MAP4: variants seen among roughly 807,000 people sequenced by gnomAD.
MAP4 encodes microtubule-associated protein 4.
A neutral mutation model predicts 170.2 loss-of-function variants in MAP4; 76 were observed. That is an observed-to-expected ratio of 0.45 (90% CI 0.37 to 0.54). The LOEUF is 0.54. Ranked by LOEUF, MAP4 falls within the 20% of genes least tolerant of loss-of-function variation. The pLI is 0.00. For synonymous variants in MAP4, 909 were observed against 994.5 expected (o/e 0.91, Z 1.62); for missense variants, 2,506 against 2,748.0 (o/e 0.91, Z 1.97).
At chr3:48,045,212 C>T (rs988142661) in intron 1 of MAP4, among the ~76,000 whole-genome samples, 3 of 145,694 alleles carry the variant, frequency 2.1e-5, no homozygotes, top group Admixed American at 7.0e-5. Flanking sequence ...GAGCCGAGAT[C>T]GCACCACTGT....
At chr3:48,063,941 A>C (rs950430394) in intron 1 of MAP4, among the ~76,000 whole-genome samples, 4 of 152,174 alleles carry the variant, frequency 2.6e-5, no homozygotes, top group Non-Finnish European at 5.9e-5. Context: ...CAAAAATTAT[A>C]ACTGAGACAA....
chr3:47,958,273 T>C (rs2100069071), intron 3 of MAP4, among the ~76,000 whole-genome samples: 1 of 152,164 alleles, frequency 6.6e-6, no homozygotes, highest in African/African-American at 2.4e-5. Context: ...ACTGGACTAA[T>C]GAGGGAATAA....
intron 3 of MAP4, among the ~76,000 whole-genome samples, chr3:47,950,155 G>A (rs976046869): frequency 1.3e-5 from 2 of 152,172 alleles, no homozygotes; most frequent in African/African-American, 4.8e-5. Context: ...CAGGCACAGA[G>A]GGAGTAGCTG....
chr3:48,085,983 C>T (rs550528160), intron 1 of MAP4, among the ~76,000 whole-genome samples: 5 of 152,078 alleles, frequency 3.3e-5, no homozygotes, highest in African/African-American at 1.2e-4. Context: ...ACCCAGGAGG[C>T]GAAGGTTGCA....
intron 6 of MAP4, 119 bp downstream of exon 6, chr3:47,918,600 T>C (rs891045080): frequency 1.4e-5 from 10 of 731,612 alleles, no homozygotes; most frequent in South Asian, 3.7e-5. Flanking sequence ...AGCAAAACAT[T>C]TGTGATTGTT....
At chr3:48,056,556 C>A (rs1466174388) in intron 1 of MAP4, among the ~76,000 whole-genome samples, 2 of 97,746 alleles carry the variant, frequency 2.0e-5, no homozygotes. Context: ...TGCCCGGCCG[C>A]CCCTACTGGG....
intron 3 of MAP4, chr3:47,973,732 G>C: frequency 1.0e-6 from 1 of 985,388 alleles, no homozygotes. Context: ...GCAATAGAAA[G>C]ATGTCAAACA....
chr3:47,884,676 A>G (rs975866852), intron 10 of MAP4, among the ~76,000 whole-genome samples: 2 of 152,172 alleles, frequency 1.3e-5, no homozygotes, highest in African/African-American at 4.8e-5. Flanking sequence ...CTGGAAACAT[A>G]GAATAGAGAG....
rs1466813692 is a variant in MAP4 at position 47,855,271 on chromosome 3, G to A, written c.6673C>T (p.Leu2225=). 8.1e-6 allele frequency: 13 copies of A among 1,613,968 alleles called. No homozygotes were observed. Among genetic ancestry groups the A allele is most frequent in the East Asian group, 2.2e-5 (1 of 44,868 alleles). The stretch of plus-strand genomic sequence containing the variant: ...ACCTTCACAGCACCTCCTGCAGGTA[G>A]GTGGCCCACATTATCGAGGGATCCC... The part of the protein sequence containing the change: ...KVGSLDNVGH[L]PAGGAVKTEG... Residue 2225 remains leucine, a synonymous_variant, in exon 19 of 21, where the codon CTA becomes TTA. Transcript: ENST00000683076. This position sits in a 1 kb window ranked among gnomAD's most constrained non-coding sequence, Gnocchi z 5.1.
At chr3:47,999,831 C>T (rs1052441565) in intron 1 of MAP4, among the ~76,000 whole-genome samples, 37 of 95,296 alleles carry the variant, frequency 3.9e-4, no homozygotes, top group African/African-American at 1.6e-3. Context: ...TACCCTTGAA[C>T]CTAAAATAAA....
At chr3:47,919,243 G>T (rs2100041417) in intron 5 of MAP4, among the ~76,000 whole-genome samples, 1 of 147,980 alleles carries the variant, frequency 6.8e-6, no homozygotes, top group Non-Finnish European at 1.5e-5. Flanking sequence ...AGAGGTATTT[G>T]ATATTTAAAA....
chr3:47,910,070 C>A lies in MAP4; in HGVS notation c.4351G>T (p.Val1451Leu). Residue 1451 changes from valine (V) to leucine (L), a missense_variant, in exon 9 of 21, where the codon GTA (valine) becomes TTA (leucine). Transcript: ENST00000683076. ...TCTGGAAAGGAATCACCTTCCTTTA[C>A]TACTTGAGGAGTAGGAGTGGGCAGT... ...EKLPTPTPQV[V>L]KEGDSFPDTL... 1 of 1,613,990 alleles carries A rather than the reference C, an allele frequency of 6.2e-7. No individual in the cohort carries two copies. Among genetic ancestry groups the A allele is most frequent in the Non-Finnish European group, 8.5e-7 (1 of 1,179,890 alleles).
chr3:47,852,824 C>A lies in MAP4; in HGVS notation c.*110G>T. On this transcript the variant is annotated 3_prime_UTR_variant, in exon 21 of 21. Transcript: ENST00000683076. The stretch of plus-strand genomic sequence containing the variant: ...ACAGCCCGGGAAAGGGGGCCAAGGA[C>A]CCGGGAGCCCGAGTTGGGGCCGCCA... 1 of 1,551,374 alleles carries A rather than the reference C, an allele frequency of 6.4e-7. No individual in the cohort carries two copies. The highest frequency in any genetic ancestry group is 8.7e-7 in the Non-Finnish European group (1 of 1,147,492).
At chr3:47,984,046 C>T (rs1015954554) in intron 2 of MAP4, among the ~76,000 whole-genome samples, 3 of 151,838 alleles carry the variant, frequency 2.0e-5, no homozygotes, top group Non-Finnish European at 2.9e-5. Flanking sequence ...GATTTAATTG[C>T]GAATAATATG....
At chr3:48,005,685 G>T (rs2100101914) in intron 1 of MAP4, among the ~76,000 whole-genome samples, 1 of 152,196 alleles carries the variant, frequency 6.6e-6, no homozygotes. Flanking sequence ...TGAGGTGGTG[G>T]AGTGGATTAC....
Position 47,911,347 on chromosome 3 carries a change from C to A in MAP4, c.3074G>T (p.Arg1025Ile). ...AGAAGTAAAGATGCTGATCTCTTGT[C>A]TTTCGTTGGGAAAAGCTTCCTTTTT... The part of the protein sequence containing the change: ...ELKKEAFPNE[R>I]QEISIFTSEQ... The change falls in exon 9 of 21, where the codon AGA becomes ATA. Residue 1025 changes from arginine to isoleucine, a missense_variant. Around this residue, in one of 3 missense-constraint regions of MAP4, gnomAD observed 2,008 missense variants for 2,206.0 expected, o/e 0.91. Transcript: ENST00000683076. This position sits in a 1 kb window ranked among gnomAD's most constrained non-coding sequence, Gnocchi z 4.0. 6.5e-7 allele frequency: 1 copy of A among 1,536,058 alleles called. No homozygotes were observed. The highest frequency in any genetic ancestry group is 8.7e-7 in the Non-Finnish European group (1 of 1,146,906).
chr3:47,928,841 C>T (rs943096043), intron 3 of MAP4, among the ~76,000 whole-genome samples: 1 of 146,376 alleles, frequency 6.8e-6, no homozygotes, highest in East Asian at 2.0e-4. Context: ...AAAAAAAAAG[C>T]CAGCCTAAAT....
Position 47,916,353 on chromosome 3 carries a change from C to G in MAP4, c.1474G>C (p.Val492Leu), listed in dbSNP as rs1391910752. Residue 492 changes from valine to leucine, a missense_variant, in exon 7 of 21, where the codon GTG (valine) becomes CTG (leucine). Val to Leu is a conservative substitution (Grantham distance 32). Coordinates refer to ENST00000683076, the MANE Select transcript of MAP4 (RefSeq NM_001385682.1). ...PETEIAPAKD[V>L]APSTVKEVGL... ...ACTTCTTTTACTGTGGACGGAGCCA[C>G]ATCCTTGGCCGGGGCTATTTCTGTT... 6.2e-7 allele frequency: 1 copy of G among 1,614,122 alleles called. No homozygotes were observed. Among genetic ancestry groups the G allele is most frequent in the Non-Finnish European group, 8.5e-7 (1 of 1,180,054 alleles).
rs1256831229 is a variant in MAP4 at position 47,909,932 on chromosome 3, AGG to A, written c.4487_4488del (p.Pro1496LeufsTer24). The A allele has an allele frequency of 6.2e-7, 1 of 1,614,010 alleles. No individual in the cohort carries two copies. The highest frequency in any genetic ancestry group is 8.5e-7 in the Non-Finnish European group (1 of 1,179,860). ...GTGCTTGTAGAGGGCACAACAGCAG[AGG>A]GACCCTTGGGTCTTTCTTGACCTGG... ...GVPGQERPKG[P>X]SAVVPSTSTG... On this transcript the variant is annotated frameshift_variant, in exon 9 of 21. Transcript: ENST00000683076. LOFTEE classifies it high-confidence loss of function.
Sources: allele counts gnomAD v4.1 joint callset (sites outside exome capture counted in the v4.1 genomes callset), GRCh38; gene constraint gnomAD v4.1.1; regional missense constraint gnomAD v4.1.1; non-coding constraint Gnocchi (gnomAD v3.1); transcripts MANE v1.5; gene names NCBI Gene and HGNC (gene_info 2026-07-23, HGNC 2026-07-21).